The following STYXL2 variants were observed in gnomAD, a reference collection of about 807,000 sequenced individuals.
The protein encoded by STYXL2 is serine/threonine/tyrosine-interacting-like protein 2.
STYXL2 carries 44 observed loss-of-function variants against 52.4 expected under a neutral mutation model. That is an observed-to-expected ratio of 0.84 (90% CI 0.66 to 1.08). STYXL2 has a LOEUF of 1.08. Among genes scored for constraint, STYXL2 ranks in the 50% least tolerant of loss-of-function variants. The probability of loss-of-function intolerance (pLI) is 0.00; values close to 1 mark genes in which losing one functional copy is unlikely to be tolerated. For synonymous variants in STYXL2, 604 were observed against 586.9 expected (o/e 1.03, Z -0.42); for missense variants, 1,604 against 1,471.7 (o/e 1.09, Z -1.47).
rs1667662994 is a variant in STYXL2, at chr1:167,113,721, T to C, written c.122T>C (p.Val41Ala). 1 of 1,613,150 alleles carries C rather than the reference T, an allele frequency of 6.2e-7. No individual in the cohort carries two copies. The highest frequency in any genetic ancestry group is 1.3e-5 in the African/African-American group (1 of 74,898). ...RSPSPSQYSM[V>A]SDAETESIFM... is the part of the protein sequence containing the mutation. ...TCCTCTTCCCTTAGGTATTCGATGG[T>C]CTCAGATGCAGAAACAGAAAGCATT... Residue 41 changes from valine to alanine, a missense_variant, in exon 3 of 6, where the codon GTC becomes GCC. By Grantham distance (64) the Val-to-Ala change is moderately conservative. Transcript: ENST00000361200.
chr1:167,098,740 T>G (rs1466337768), intron 2 of STYXL2, among the ~76,000 whole-genome samples: 1 of 152,178 alleles, frequency 6.6e-6, no homozygotes, highest in African/African-American at 2.4e-5. Context: ...GTTTGGCAGT[T>G]TATGTTGAAA....
Position 167,128,208 on chromosome 1 carries a change from A to G in STYXL2, c.3077A>G (p.Tyr1026Cys), listed in dbSNP as rs1026670420. 6.2e-7 allele frequency: 1 copy of G among 1,614,102 alleles called. No individual in the cohort carries two copies. Among genetic ancestry groups the G allele is most frequent in the African/African-American group, 1.3e-5 (1 of 74,940 alleles). ...ATGCACAAGTTCTCCAGGTCCACGT[A>G]CAACGAGACCTCAAGTTCCCGAGAG... The part of the protein sequence containing the change: ...REMHKFSRST[Y>C]NETSSSREES... Residue 1026 changes from tyrosine (Y) to cysteine (C), a missense_variant, in exon 6 of 6, where the codon TAC becomes TGC. Tyr to Cys is a radical substitution (Grantham distance 194). Transcript: ENST00000361200.
chr1:167,109,825 C>T (rs750187496), intron 2 of STYXL2, among the ~76,000 whole-genome samples: 6 of 152,228 alleles, frequency 3.9e-5, no homozygotes, highest in African/African-American at 1.2e-4. Context: ...GAGAAAACAA[C>T]AGCTAATTCT....
intron 4 of STYXL2, 63 bp downstream of exon 4, chr1:167,117,622 G>A (rs952201435): frequency 3.9e-5 from 57 of 1,447,896 alleles, no homozygotes; most frequent in Admixed American, 1.0e-4. Context: ...TGAGACAGAC[G>A]AAACTCCCCC....
intron 2 of STYXL2, among the ~76,000 whole-genome samples, chr1:167,110,029 G>C (rs1219010354): frequency 6.6e-6 from 1 of 152,156 alleles, no homozygotes; most frequent in Non-Finnish European, 1.5e-5. Flanking sequence ...GAGACCTGAA[G>C]GTCGATCACA....
At chr1:167,115,119 C>T (rs1390869784) in intron 3 of STYXL2, among the ~76,000 whole-genome samples, 1 of 152,204 alleles carries the variant, frequency 6.6e-6, no homozygotes, top group African/African-American at 2.4e-5. Context: ...TATGGACATT[C>T]AGTCTAGTTT....
rs754743221 is a variant in STYXL2, at chr1:167,127,433, G to A, written c.2302G>A (p.Val768Ile). 5.6e-6 allele frequency: 9 copies of A among 1,614,106 alleles called. No individual in the cohort carries two copies. The South Asian group carries it at 7.7e-5, about 14-fold the overall frequency. The stretch of plus-strand genomic sequence containing the variant: ...GGCTAGCTGCCTGGGGGATGACCAA[G>A]TCTCCATGCTTAGTGGACACAGCAG... ...PAASCLGDDQ[V>I]SMLSGHSSSS... Residue 768 changes from valine (V) to isoleucine (I), a missense_variant, in exon 6 of 6, where the codon GTC (valine) becomes ATC (isoleucine). Transcript: ENST00000361200.
intron 2 of STYXL2, among the ~76,000 whole-genome samples, chr1:167,102,054 C>T (rs1444481716): frequency 6.6e-6 from 1 of 151,478 alleles, no homozygotes; most frequent in Non-Finnish European, 1.5e-5. Flanking sequence ...AAAAAGGGTA[C>T]ATACTATATT....
At chr1:167,119,728 A>G (rs1477498315) in intron 5 of STYXL2, among the ~76,000 whole-genome samples, 1 of 152,222 alleles carries the variant, frequency 6.6e-6, no homozygotes, top group African/African-American at 2.4e-5. Context: ...TTACACTGTA[A>G]GAGGGGACAG....
At position 167,117,598 on chromosome 1, in the gene STYXL2, C is replaced by T. The variant is rs201259394; in HGVS notation, c.437+39C>T. The T allele has an allele frequency of 3.3e-6, 5 of 1,522,078 alleles. No homozygotes were observed. The African/African-American group carries it at 6.9e-5, about 21-fold the overall frequency. The allele number at this position is 1,522,078 out of a possible 1,614,324, so 94.3% of individuals were successfully genotyped here. ...CTCTTCATGACCCTTTGTCCTAACC[C>T]TCTGGTTAGTGCCTGAGACAGACGA... On this transcript the variant is annotated intron_variant, in intron 4 of 5. Transcript: ENST00000361200.
intron 2 of STYXL2, among the ~76,000 whole-genome samples, chr1:167,113,283 C>T (rs916492902): frequency 2.0e-5 from 3 of 152,038 alleles, no homozygotes; most frequent in Non-Finnish European, 4.4e-5. Flanking sequence ...GTGGTGGCAA[C>T]CTATTCAGCC....
chr1:167,100,826 T>A (rs976872261), intron 2 of STYXL2, among the ~76,000 whole-genome samples: 4 of 152,216 alleles, frequency 2.6e-5, no homozygotes, highest in African/African-American at 7.2e-5. Context: ...ATCTAGCCCT[T>A]TTCAGAAATT....
In STYXL2 at chr1:167,127,168, GAGC is replaced by G. The variant is rs759664430; in HGVS notation, c.2039_2041del (p.Ser680del). The G allele has an allele frequency of 6.2e-7, 1 of 1,614,100 alleles. No individual in the cohort carries two copies. The highest frequency in any genetic ancestry group is 1.1e-5 in the South Asian group (1 of 91,074). ...CTGATGGGGACACGACGTCAGTACT[GAGC>G]ACCCAGAGCCACCGCTCCCACCTGT... On this transcript the variant is annotated inframe_deletion, in exon 6 of 6. Coordinates refer to ENST00000361200, the MANE Select transcript of STYXL2 (RefSeq NM_001080426.3).
intron 2 of STYXL2, among the ~76,000 whole-genome samples, chr1:167,095,778 T>G (rs1667274032): frequency 1.3e-5 from 2 of 152,198 alleles, no homozygotes; most frequent in African/African-American, 4.8e-5. Context: ...GATTGAGCCT[T>G]TAGTTGGAAG....
intron 5 of STYXL2, among the ~76,000 whole-genome samples, chr1:167,125,044 T>C (rs1416735495): frequency 4.6e-5 from 7 of 152,090 alleles, no homozygotes; most frequent in African/African-American, 1.7e-4. Flanking sequence ...CAAATAATGT[T>C]TGAAGGACTC....
chr1:167,115,197 ATCAAACCTAAGTTTCAT>A (rs1667700499), intron 3 of STYXL2, among the ~76,000 whole-genome samples: 1 of 152,230 alleles, frequency 6.6e-6, no homozygotes, highest in East Asian at 1.9e-4. Context: ...CTCTGGGGGC[ATCAAACCTAAGTTTCAT>A]TAGCCTTAGT....
rs1330656460 is a variant in STYXL2 at position 167,128,501 on chromosome 1, A to G, written c.3370A>G (p.Thr1124Ala). 6.2e-7 allele frequency: 1 copy of G among 1,613,974 alleles called. No individual in the cohort carries two copies. ...ACGGCGGTCCCAGTATCGGAGAAGCACTGACAGGGAGGAAGAGGAAGAAAT... is the reference window on the plus strand; with the variant it reads ...ACGGCGGTCCCAGTATCGGAGAAGCGCTGACAGGGAGGAAGAGGAAGAAAT... ...SGRRSQYRRS[T>A]DREEEEEMDD... The change falls in exon 6 of 6, where the codon ACT becomes GCT. Residue 1124 changes from threonine (T) to alanine (A), a missense_variant. Coordinates refer to ENST00000361200, the MANE Select transcript of STYXL2 (RefSeq NM_001080426.3).
At position 167,128,756 on chromosome 1, in the gene STYXL2, G is replaced by T; in HGVS notation, c.*148G>T. 7.5e-7 allele frequency: 1 copy of T among 1,333,686 alleles called. No homozygotes were observed. The highest frequency in any genetic ancestry group is 9.9e-7 in the Non-Finnish European group (1 of 1,010,016). 82.6% of individuals were successfully genotyped at this position (1,333,686 alleles called of 1,614,324 possible). A position where few individuals can be genotyped will look rare whatever the true frequency, so the allele number is the denominator to read the frequency against. ...AAAATGAGAGGTACCAAGCATAAGG[G>T]CAGCAGAGGTGGAGTAGGGAGGAGG... is the stretch of plus-strand genomic sequence containing the variant. On this transcript the variant is annotated 3_prime_UTR_variant, in exon 6 of 6. Transcript: ENST00000361200.
At chr1:167,118,122 G>A (rs548512404) in intron 4 of STYXL2, among the ~76,000 whole-genome samples, 23 of 152,242 alleles carry the variant, frequency 1.5e-4, no homozygotes, top group Admixed American at 8.5e-4. Context: ...TTTACAAGCA[G>A]TTTTTATTTT....
Sources: allele counts gnomAD v4.1 joint callset (sites outside exome capture counted in the v4.1 genomes callset), GRCh38; gene constraint gnomAD v4.1.1; transcripts MANE v1.5; gene names NCBI Gene and HGNC (gene_info 2026-07-23, HGNC 2026-07-21).